AGMO: variants seen among roughly 807,000 people sequenced by gnomAD.
AGMO encodes glyceryl-ether monooxygenase.
In AGMO, 75 loss-of-function variants were observed where a neutral mutation model predicts 60.2. That is an observed-to-expected ratio of 1.25 (90% CI 1.03 to 1.51). The LOEUF (loss-of-function observed/expected upper bound fraction) is 1.51. AGMO is among the 40% of genes most tolerant of loss of function. AGMO has a pLI of 0.00. For missense variants in AGMO, 763 were observed against 525.5 expected, an observed-to-expected ratio of 1.45 and a Z score of -4.42; for synonymous variants, 261 against 177.1, an observed-to-expected ratio of 1.47 and a Z score of -3.76.
intron 1 of AGMO, among the ~76,000 whole-genome samples, chr7:15,561,454 A>G (rs1179577389): frequency 6.6e-6 from 1 of 152,220 alleles, no homozygotes; most frequent in Non-Finnish European, 1.5e-5. Context: ...AATGCCATGG[A>G]GTCCAGGAAA....
chr7:15,125,770 C>T, the AGMO span, among the ~76,000 whole-genome samples: 1 of 152,082 alleles, frequency 6.6e-6, no homozygotes, highest in South Asian at 2.1e-4. Context: ...GGAGCAGATC[C>T]TAGAACAAGC....
chr7:15,514,859 C>T (rs1441377942), intron 3 of AGMO, among the ~76,000 whole-genome samples: 1 of 152,144 alleles, frequency 6.6e-6, no homozygotes, highest in African/African-American at 2.4e-5. Flanking sequence ...TTGCTCACTC[C>T]CTCATCTACC....
chr7:15,400,181 G>A (rs1340905613), intron 5 of AGMO, among the ~76,000 whole-genome samples: 1 of 152,086 alleles, frequency 6.6e-6, no homozygotes, highest in African/African-American at 2.4e-5. Flanking sequence ...GTGATTGTTT[G>A]ACAATAGTAT....
At chr7:15,118,659 A>G in the AGMO span, among the ~76,000 whole-genome samples, 2 of 152,108 alleles carry the variant, frequency 1.3e-5, no homozygotes, top group Non-Finnish European at 2.9e-5. Context: ...AGTGATGAGT[A>G]TAATTTGCCT....
chr7:15,423,509 C>T (rs1780980020), intron 4 of AGMO, among the ~76,000 whole-genome samples: 1 of 90,320 alleles, frequency 1.1e-5, no homozygotes, highest in African/African-American at 3.7e-5. Flanking sequence ...CACACTCATA[C>T]TGTTATGAGT....
rs200936249 is a variant in AGMO, at chr7:15,525,289, AC to A, written c.409+19482del. ...CCAAAGACAGTTTAAAGCCTGAAAA[AC>A]CAAGTCACAATCTTGGATAAATCTG... On this transcript the variant is annotated intron_variant, in intron 3 of 12. Transcript: ENST00000342526. Among the ~76,000 whole-genome samples the A allele has an allele frequency of 9.0e-3, 1,365 of 152,164 alleles. 21 individuals are homozygous for A. Among genetic ancestry groups the A allele is most frequent in the African/African-American group, 0.031 (1,291 of 41,502 alleles).
intron 3 of AGMO, among the ~76,000 whole-genome samples, chr7:15,487,377 G>C (rs1782951439): frequency 1.3e-5 from 2 of 152,022 alleles, no homozygotes. Context: ...TAACCTCCTT[G>C]TGCTGGCAGG....
At chr7:15,139,437 G>C in the AGMO span, among the ~76,000 whole-genome samples, 1 of 152,078 alleles carries the variant, frequency 6.6e-6, no homozygotes, top group Non-Finnish European at 1.5e-5. Context: ...ATGGAGGTTT[G>C]TTGTACAGAT....
chr7:15,204,249 C>T (rs569631693), intron 12 of AGMO, among the ~76,000 whole-genome samples: 6 of 152,154 alleles, frequency 3.9e-5, no homozygotes, highest in South Asian at 2.1e-4. Flanking sequence ...AATATAACCA[C>T]CTGATTACCG....
At chr7:15,408,274 C>T (rs909782142) in intron 5 of AGMO, among the ~76,000 whole-genome samples, 4 of 151,488 alleles carry the variant, frequency 2.6e-5, no homozygotes, top group African/African-American at 7.3e-5. Flanking sequence ...ATCTTGGGGA[C>T]AAGGGAAAGT....
rs898372851 is a variant in AGMO at position 15,499,174 on chromosome 7, C to T, written c.409+45598G>A. On this transcript the variant is annotated intron_variant, in intron 3 of 12. Transcript: ENST00000342526. The stretch of plus-strand genomic sequence containing the variant: ...TACAGCACATTTCTGCCTGTCTTTT[C>T]CGTCTAGAAGTAAGCTTAAGAGCAA... 6.6e-5 allele frequency among the ~76,000 whole-genome samples: 10 copies of T among 151,910 alleles called. No individual in the cohort carries two copies. The East Asian group carries it at 1.9e-3, about 29-fold the overall frequency.
At chr7:15,142,791 G>A in the AGMO span, among the ~76,000 whole-genome samples, 2 of 152,150 alleles carry the variant, frequency 1.3e-5, no homozygotes, top group Non-Finnish European at 2.9e-5. Flanking sequence ...AGACAGAAGA[G>A]ATCACCTTGC....
At chr7:15,343,836 A>C (rs575372561) in intron 12 of AGMO, among the ~76,000 whole-genome samples, 49 of 152,314 alleles carry the variant, frequency 3.2e-4, no homozygotes, top group African/African-American at 1.1e-3. Context: ...TAGTATTGAA[A>C]TAACGGACAA....
intron 12 of AGMO, among the ~76,000 whole-genome samples, chr7:15,255,353 A>G (rs1409370943): frequency 1.3e-5 from 2 of 152,188 alleles, no homozygotes; most frequent in Non-Finnish European, 2.9e-5. Flanking sequence ...CAGAACTTAA[A>G]GCACAATAAA....
rs1783581167 is a variant in AGMO, at chr7:15,508,451, ATTTG to A, written c.409+36317_409+36320del. Among the ~76,000 whole-genome samples the A allele has an allele frequency of 2.6e-5, 4 of 152,260 alleles. No individual in the cohort carries two copies. In the South Asian group the frequency reaches 8.3e-4, roughly 32 times the overall value. ...ATAAACAGTGGAACTATTGAAATGA[ATTTG>A]TTTGAGGAAGCTGCTCCCTGCAATA... is the stretch of plus-strand genomic sequence containing the variant. On this transcript the variant is annotated intron_variant, in intron 3 of 12. Transcript: ENST00000342526.
At chr7:15,176,808 T>C in the AGMO span, among the ~76,000 whole-genome samples, 3 of 151,996 alleles carry the variant, frequency 2.0e-5, no homozygotes, top group Admixed American at 1.3e-4. Flanking sequence ...TTTGTAACAT[T>C]TGAGAGAGAA....
chr7:15,213,110 T>C (rs1431358566), intron 12 of AGMO, among the ~76,000 whole-genome samples: 1 of 151,962 alleles, frequency 6.6e-6, no homozygotes, highest in Non-Finnish European at 1.5e-5. Flanking sequence ...TAAAAATAGA[T>C]CTTTTTTAAA....
At chr7:15,148,741 A>G in the AGMO span, among the ~76,000 whole-genome samples, 16 of 152,138 alleles carry the variant, frequency 1.1e-4, no homozygotes, top group Non-Finnish European at 7.3e-5. Context: ...AGCTAGGCTG[A>G]TTCCATGTCT....
chr7:15,402,954 G>T (rs2128490162), intron 5 of AGMO, among the ~76,000 whole-genome samples: 1 of 151,790 alleles, frequency 6.6e-6, no homozygotes, highest in Non-Finnish European at 1.5e-5. Flanking sequence ...CACAAGCATT[G>T]CCTGAAGGAA....
Sources: allele counts gnomAD v4.1 joint callset (sites outside exome capture counted in the v4.1 genomes callset), GRCh38; gene constraint gnomAD v4.1.1; transcripts MANE v1.5; gene names NCBI Gene and HGNC (gene_info 2026-07-23, HGNC 2026-07-21).